DIP2C: variants seen among roughly 807,000 people sequenced by gnomAD.
The protein encoded by DIP2C is DIP2 acetate--CoA ligase C (putative).
In DIP2C, 33 loss-of-function variants were observed where a neutral mutation model predicts 192.4. That is an observed-to-expected ratio of 0.17 (90% confidence interval 0.13 to 0.23). The LOEUF (loss-of-function observed/expected upper bound fraction) is 0.23, where lower values mean the gene tolerates loss of function less well. DIP2C is among the 10% of genes least tolerant of loss of function. The probability of loss-of-function intolerance (pLI) is 1.00; values close to 1 mark genes in which losing one functional copy is unlikely to be tolerated. For synonymous variants in DIP2C, 979 were observed against 864.1 expected (o/e 1.13, Z -2.33); for missense variants, 1,537 against 2,110.1 (o/e 0.73, Z 5.32).
In DIP2C at chr10:560,283, A is replaced by AGG. The variant is rs1849133567; in HGVS notation, c.86-73755_86-73754dup. 2.0e-5 allele frequency among the ~76,000 whole-genome samples: 3 copies of AGG among 152,130 alleles called. No homozygotes were observed. The East Asian group carries it at 5.8e-4, about 29-fold the overall frequency. ...AGGATGGAGGAGTCACAAAGAGGGG[A>AGG]GGTTCGGAGAATGAGGCCATGTGAA... On this transcript the variant is annotated intron_variant, in intron 1 of 36. Coordinates refer to ENST00000280886, the MANE Select transcript of DIP2C (RefSeq NM_014974.3).
intron 1 of DIP2C, among the ~76,000 whole-genome samples, chr10:512,337 T>C (rs1038757777): frequency 4.6e-5 from 7 of 152,136 alleles, no homozygotes; most frequent in Non-Finnish European, 1.0e-4. Context: ...GGCAGGCAGA[T>C]TGCTTGAGCC....
chr10:354,661 T>C (rs1958990793), intron 24 of DIP2C, among the ~76,000 whole-genome samples: 2 of 152,120 alleles, frequency 1.3e-5, no homozygotes, highest in African/African-American at 2.4e-5. Flanking sequence ...GACTGAGAGC[T>C]GACTCTGCCC....
chr10:383,224 G>C (rs374059301), intron 16 of DIP2C, among the ~76,000 whole-genome samples: 20 of 152,282 alleles, frequency 1.3e-4, no homozygotes, highest in South Asian at 8.3e-4. Flanking sequence ...AAAACCAATT[G>C]TTCATTAAAT....
chr10:564,225 G>A (rs73576243), intron 1 of DIP2C, among the ~76,000 whole-genome samples: 19,433 of 148,362 alleles, frequency 0.13, 1,707 homozygotes, highest in African/African-American at 0.24. Context: ...CCCCACCCCC[G>A]CACGTGGTTG....
Position 681,263 on chromosome 10 carries a change from A to G in DIP2C, c.85+8231T>C, listed in dbSNP as rs569272603. On this transcript the variant is annotated intron_variant, in intron 1 of 36. Transcript: ENST00000280886. Reference sequence around the variant, plus strand: ...AACACAGACCGCAGTCACATGGTGCAGCCACCACCTATGGCCATGGAAATT... The same window carrying G: ...AACACAGACCGCAGTCACATGGTGCGGCCACCACCTATGGCCATGGAAATT... Among the ~76,000 whole-genome samples, 5 of 149,664 alleles carry G rather than the reference A, an allele frequency of 3.3e-5. No individual in the cohort carries two copies. In the East Asian group the frequency reaches 1.0e-3, roughly 30 times the overall value.
chr10:362,378 C>T (rs1454218976), intron 22 of DIP2C, 112 bp downstream of exon 22: 3 of 1,275,444 alleles, frequency 2.4e-6, no homozygotes, highest in African/African-American at 3.0e-5. Flanking sequence ...ACTTCTTTCC[C>T]GCAAGCATCA....
Position 277,519 on chromosome 10 carries a change from G to A in DIP2C, c.4477C>T (p.Gln1493Ter). 1 of 1,614,162 alleles carries A rather than the reference G, an allele frequency of 6.2e-7. No homozygotes were observed. The highest frequency in any genetic ancestry group is 8.5e-7 in the Non-Finnish European group (1 of 1,180,044). Reference protein sequence around the residue: ...VVVVELDGSEQEALDLVPLVT... With the variant: ...VVVVELDGSE ...AAGGGAACCAGGTCCAAGGCTTCTT[G>A]TTCCGACCCATCCAGCTCAACCACA... Residue 1493 changes from glutamine to a stop codon, truncating the protein, a stop_gained, in exon 37 of 37, where the codon CAA (glutamine) becomes TAA (stop). Transcript: ENST00000280886. LOFTEE classifies it high-confidence loss of function.
chr10:284,415 G>C (rs1321569209), intron 34 of DIP2C, among the ~76,000 whole-genome samples: 1 of 152,172 alleles, frequency 6.6e-6, no homozygotes, highest in African/African-American at 2.4e-5. Context: ...ATATTACTCA[G>C]CCATAAAAAA....
At chr10:580,354 C>T (rs1223237681) in intron 1 of DIP2C, among the ~76,000 whole-genome samples, 1 of 152,154 alleles carries the variant, frequency 6.6e-6, no homozygotes, top group East Asian at 1.9e-4. Context: ...TACATGCATG[C>T]TTACAGTGTG....
intron 1 of DIP2C, among the ~76,000 whole-genome samples, chr10:602,428 C>G (rs1300583345): frequency 6.6e-6 from 1 of 152,234 alleles, no homozygotes; most frequent in Non-Finnish European, 1.5e-5. Context: ...CTCACGCACA[C>G]TGAAGCAATC....
At chr10:581,651 C>T (rs764391783) in intron 1 of DIP2C, among the ~76,000 whole-genome samples, 1 of 152,122 alleles carries the variant, frequency 6.6e-6, no homozygotes, top group African/African-American at 2.4e-5. Context: ...CCCACCACCA[C>T]GAGAGAATCA....
chr10:569,842 G>A (rs17221309), intron 1 of DIP2C, among the ~76,000 whole-genome samples: 45,609 of 151,998 alleles, frequency 0.3, 7,313 homozygotes, highest in Non-Finnish European at 0.36. Flanking sequence ...TTCTACCCTC[G>A]CACACCTTTC....
intron 36 of DIP2C, among the ~76,000 whole-genome samples, chr10:278,609 G>A (rs1423274060): frequency 1.3e-5 from 2 of 152,246 alleles, no homozygotes; most frequent in Admixed American, 6.5e-5. Context: ...CACTGAGCAT[G>A]GGCTGGCTGC....
At chr10:486,029 A>G (rs1368291957) in intron 2 of DIP2C, among the ~76,000 whole-genome samples, 1 of 152,198 alleles carries the variant, frequency 6.6e-6, no homozygotes, top group African/African-American at 2.4e-5. Context: ...TCAACACACA[A>G]CCAGCTTTCA....
chr10:372,952 T>A (rs1961167295), intron 17 of DIP2C, among the ~76,000 whole-genome samples: 2 of 152,214 alleles, frequency 1.3e-5, no homozygotes, highest in Admixed American at 1.3e-4. Flanking sequence ...GCCCCAGGGG[T>A]ACCCTCCGTG....
chr10:350,261 T>A (rs919659533), intron 24 of DIP2C, among the ~76,000 whole-genome samples: 2 of 152,092 alleles, frequency 1.3e-5, no homozygotes, highest in African/African-American at 2.4e-5. Flanking sequence ...TAAAAAAAAA[T>A]TCTCTCATAG....
chr10:550,726 C>A (rs1355963897), intron 1 of DIP2C, among the ~76,000 whole-genome samples: 1 of 152,172 alleles, frequency 6.6e-6, no homozygotes, highest in Admixed American at 6.5e-5. Flanking sequence ...TCTCCCCCTA[C>A]GATTTTGTGA....
At chr10:593,293 C>T (rs567780201) in intron 1 of DIP2C, among the ~76,000 whole-genome samples, 3 of 152,300 alleles carry the variant, frequency 2.0e-5, no homozygotes, top group African/African-American at 7.2e-5. Flanking sequence ...TCAGAGCCTG[C>T]AAACACCCAC....
intron 1 of DIP2C, among the ~76,000 whole-genome samples, chr10:646,080 G>A (rs1422322836): frequency 2.6e-5 from 4 of 152,224 alleles, no homozygotes; most frequent in Non-Finnish European, 4.4e-5. Context: ...GCAGGGGCAC[G>A]TTCCCAGGTG....
Sources: allele counts gnomAD v4.1 joint callset (sites outside exome capture counted in the v4.1 genomes callset), GRCh38; gene constraint gnomAD v4.1.1; transcripts MANE v1.5; gene names NCBI Gene and HGNC (gene_info 2026-07-23, HGNC 2026-07-21).